The following CSMD2 variants were observed in gnomAD, a reference collection of about 807,000 sequenced individuals.
CSMD2 encodes the protein CUB and Sushi multiple domains 2, also known as CUB and sushi domain-containing protein 2.
A neutral mutation model predicts 398.5 loss-of-function variants in CSMD2; 130 were observed. The ratio of observed to expected loss-of-function variants is 0.33; its 90% CI spans 0.28 to 0.38. The LOEUF (loss-of-function observed/expected upper bound fraction) is 0.38. Ranked by LOEUF, CSMD2 falls within the 10% of genes least tolerant of loss-of-function variation. The pLI is 1.00. For synonymous variants in CSMD2, 1,828 were observed against 1,908.5 expected (o/e 0.96, Z 1.10); for missense variants, 3,829 against 4,764.9 (o/e 0.80, Z 5.78).
Position 33,617,610 on chromosome 1 carries a change from G to A in CSMD2, c.5835C>T (p.Gly1945=). ...AGFHLEYKTV[G]LSSCPEPAVP... ...CAGCAGGTTCCGGACAACTGCTCAG[G>A]CCCACCGCTAGACAAGACAGAGACA... Residue 1945 remains glycine (G), a synonymous_variant, in exon 38 of 71, where the codon GGC becomes GGT. Coordinates refer to ENST00000373381, the MANE Select transcript of CSMD2 (RefSeq NM_001281956.2). 1.2e-6 allele frequency: 2 copies of A among 1,613,076 alleles called. No individual in the cohort carries two copies. Among genetic ancestry groups the A allele is most frequent in the Non-Finnish European group, 1.7e-6 (2 of 1,179,032 alleles).
chr1:33,618,474 G>A (rs377336405), intron 37 of CSMD2, among the ~76,000 whole-genome samples: 1 of 152,142 alleles, frequency 6.6e-6, no homozygotes, highest in Non-Finnish European at 1.5e-5. Context: ...GGACTTTCAT[G>A]ATCTTGGCCT....
intron 44 of CSMD2, among the ~76,000 whole-genome samples, chr1:33,588,182 C>T (rs149046377): frequency 3.6e-4 from 55 of 152,190 alleles, no homozygotes; most frequent in African/African-American, 1.3e-3. Flanking sequence ...TTGATCCTTG[C>T]ACACTTATTA....
chr1:33,951,633 G>A (rs905494835), intron 3 of CSMD2, among the ~76,000 whole-genome samples: 7 of 151,962 alleles, frequency 4.6e-5, no homozygotes, highest in Non-Finnish European at 7.4e-5. Flanking sequence ...TCCAATCCTC[G>A]CTCCAACACT....
chr1:33,572,373 T>G, intron 50 of CSMD2, 133 bp downstream of exon 50: 1 of 831,240 alleles, frequency 1.2e-6, no homozygotes, highest in Non-Finnish European at 1.8e-6. Flanking sequence ...TCTGAAATCC[T>G]CCAACCTCCA....
intron 5 of CSMD2, among the ~76,000 whole-genome samples, chr1:33,894,091 GACCACTGCCTAC>G (rs935722766): frequency 3.3e-5 from 5 of 152,088 alleles, no homozygotes; most frequent in African/African-American, 9.7e-5. Flanking sequence ...TGCTTGCTAG[GACCACTGCCTAC>G]ACCACAGGTT....
Position 33,636,255 on chromosome 1 carries a change from C to T in CSMD2, c.4969+105G>A, listed in dbSNP as rs751736122. 2.9e-5 allele frequency: 33 copies of T among 1,146,238 alleles called. No individual in the cohort carries two copies. The highest frequency in any genetic ancestry group is 2.9e-4 in the Middle Eastern group (1 of 3,410). 71.0% of individuals were successfully genotyped at this position (1,146,238 alleles called of 1,614,324 possible). ...CCAGGTTTGCCAGGCTTGGAGGAGC[C>T]GGGCTTGAGGACCTTGCCCCCCTCC... On this transcript the variant is annotated intron_variant, in intron 30 of 70. Coordinates refer to ENST00000373381, the MANE Select transcript of CSMD2 (RefSeq NM_001281956.2). The surrounding 1 kb of genome is among the most constrained non-coding windows in gnomAD (Gnocchi z 4.8).
At chr1:34,026,691 GA>G (rs1558266417) in intron 3 of CSMD2, among the ~76,000 whole-genome samples, 1 of 152,224 alleles carries the variant, frequency 6.6e-6, no homozygotes, top group African/African-American at 2.4e-5. Context: ...GATCAGTCTG[GA>G]ATAATCGGAA....
At chr1:33,570,773 C>T (rs560364735) in intron 51 of CSMD2, among the ~76,000 whole-genome samples, 1 of 152,270 alleles carries the variant, frequency 6.6e-6, no homozygotes, top group East Asian at 1.9e-4. Flanking sequence ...GGCCAGCCTG[C>T]ATCCAGTGGC....
chr1:33,549,933 A>T (rs915008696), intron 56 of CSMD2, among the ~76,000 whole-genome samples: 5 of 152,178 alleles, frequency 3.3e-5, no homozygotes, highest in Admixed American at 2.6e-4. Context: ...TGCCCCTCCT[A>T]GTTTTGCAAT....
chr1:33,838,685 G>GA (rs1481670418), intron 6 of CSMD2: 1 of 152,268 alleles, frequency 6.6e-6, no homozygotes, highest in Non-Finnish European at 1.5e-5. Context: ...CCATTACTAT[G>GA]ATGCCAAAGG....
intron 21 of CSMD2, among the ~76,000 whole-genome samples, chr1:33,710,530 G>T (rs539041544): frequency 2.0e-5 from 3 of 152,310 alleles, no homozygotes; most frequent in Admixed American, 2.0e-4. Context: ...CCTGTTATTC[G>T]TGTGGACATA....
chr1:33,555,693 T>C (rs1425574872), intron 55 of CSMD2, among the ~76,000 whole-genome samples: 2 of 152,132 alleles, frequency 1.3e-5, no homozygotes, highest in Non-Finnish European at 2.9e-5. Flanking sequence ...CAGCGAAGAG[T>C]ATGACTTGCT....
intron 26 of CSMD2, among the ~76,000 whole-genome samples, chr1:33,660,652 T>C (rs535347857): frequency 6.6e-6 from 1 of 152,230 alleles, no homozygotes; most frequent in South Asian, 2.1e-4. Flanking sequence ...CAGGCTGTCA[T>C]GACCTTTCTG....
In CSMD2 at chr1:33,763,327, A is replaced by C. The variant is rs114763250; in HGVS notation, c.1846+9242T>G. Among the ~76,000 whole-genome samples, 366 of 152,244 alleles carry C rather than the reference A, an allele frequency of 2.4e-3. 1 individual carries two copies. The highest frequency in any genetic ancestry group is 8.1e-3 in the African/African-American group (337 of 41,534). ...TACTAGTTGTTCAGAAATATGACCT[A>C]ATGTCTAGATCATCTAGGAGTTTTT... On this transcript the variant is annotated intron_variant, in intron 13 of 70. Coordinates refer to ENST00000373381, the MANE Select transcript of CSMD2 (RefSeq NM_001281956.2).
chr1:33,622,552 C>A (rs1452636942), intron 36 of CSMD2, among the ~76,000 whole-genome samples: 1 of 152,150 alleles, frequency 6.6e-6, no homozygotes, highest in Non-Finnish European at 1.5e-5. Context: ...CTCCTCATAG[C>A]CATCTTCAGG....
At chr1:33,959,356 A>G (rs1378389352) in intron 3 of CSMD2, among the ~76,000 whole-genome samples, 4 of 152,190 alleles carry the variant, frequency 2.6e-5, no homozygotes, top group African/African-American at 4.8e-5. Flanking sequence ...AGACACACAC[A>G]GATATTTAAG....
chr1:33,894,621 T>C (rs1047415990), intron 5 of CSMD2, among the ~76,000 whole-genome samples: 2 of 152,200 alleles, frequency 1.3e-5, no homozygotes, highest in Non-Finnish European at 2.9e-5. Context: ...CCACCCTTTA[T>C]TAGCTACAGT....
intron 5 of CSMD2, among the ~76,000 whole-genome samples, chr1:33,895,205 C>T (rs1642298900): frequency 6.6e-6 from 1 of 152,142 alleles, no homozygotes; most frequent in Non-Finnish European, 1.5e-5. Context: ...TGTTTTAAAG[C>T]TAAAGAAACC....
chr1:33,602,345 C>T (rs1348269883), intron 43 of CSMD2, 24 bp downstream of exon 43: 2 of 1,612,568 alleles, frequency 1.2e-6, no homozygotes, highest in Non-Finnish European at 1.7e-6. Flanking sequence ...TTCTAATTGG[C>T]TGTTGACATG....
Sources: allele counts gnomAD v4.1 joint callset (sites outside exome capture counted in the v4.1 genomes callset), GRCh38; gene constraint gnomAD v4.1.1; non-coding constraint Gnocchi (gnomAD v3.1); transcripts MANE v1.5; gene names NCBI Gene and HGNC (gene_info 2026-07-23, HGNC 2026-07-21).